The following RASGRF1 variants were observed in gnomAD, a reference collection of about 807,000 sequenced individuals.
RASGRF1 encodes the protein Ras protein specific guanine nucleotide releasing factor 1.
A neutral mutation model predicts 138.7 loss-of-function variants in RASGRF1; 40 were observed. The observed-to-expected ratio is 0.29, with a 90% CI of 0.22 to 0.38. The LOEUF is 0.38. Among genes scored for constraint, RASGRF1 ranks in the 10% least tolerant of loss-of-function variants. The pLI is 1.00. For missense variants in RASGRF1, 1,108 were observed against 1,650.4 expected (o/e 0.67, Z 5.69); for synonymous variants, 614 against 663.2 (o/e 0.93, Z 1.14).
intron 7 of RASGRF1, among the ~76,000 whole-genome samples, 167 bp from the exon 8 acceptor site, chr15:79,031,676 G>A (rs527244309): frequency 4.8e-4 from 71 of 147,874 alleles, no homozygotes; most frequent in African/African-American, 1.7e-3. Context: ...GAGAGGTGGC[G>A]AGGGCGGGGG....
intron 2 of RASGRF1, among the ~76,000 whole-genome samples, chr15:79,059,801 A>G (rs751103455): frequency 6.6e-5 from 10 of 152,282 alleles, no homozygotes; most frequent in African/African-American, 9.6e-5. Context: ...ACAGCGCGAG[A>G]GAACATTGTG....
At chr15:79,017,691 T>C in intron 12 of RASGRF1, 79 bp downstream of exon 12, 4 of 781,090 alleles carry the variant, frequency 5.1e-6, no homozygotes, top group Non-Finnish European at 3.9e-6. Flanking sequence ...CCCCACCCCC[T>C]ACCTGCCACC....
At chr15:79,076,457 C>T (rs1369780587) in intron 1 of RASGRF1, among the ~76,000 whole-genome samples, 1 of 152,220 alleles carries the variant, frequency 6.6e-6, no homozygotes, top group Non-Finnish European at 1.5e-5. Context: ...CTCAGAGGCC[C>T]ATGGTCCTGG....
At chr15:79,000,245 G>T (rs2056492119) in intron 16 of RASGRF1, among the ~76,000 whole-genome samples, 2 of 152,196 alleles carry the variant, frequency 1.3e-5, no homozygotes, top group Non-Finnish European at 2.9e-5. Flanking sequence ...CCTGCCTGAG[G>T]GCAGCATCAT....
intron 2 of RASGRF1, among the ~76,000 whole-genome samples, chr15:79,059,979 CACAGACACACAG>C (rs1341259085): frequency 0.042 from 359 of 8,576 alleles, 12 homozygotes; most frequent in African/African-American, 0.17. Context: ...CACACACACA[CACAGACACACAG>C]ACACACACAC....
At chr15:79,086,879 T>C (rs865990785) in intron 1 of RASGRF1, among the ~76,000 whole-genome samples, 1 of 152,186 alleles carries the variant, frequency 6.6e-6, no homozygotes, top group Non-Finnish European at 1.5e-5. Flanking sequence ...CTAGGGAAGA[T>C]GAACCCAAGC....
chr15:79,062,696 G>T (rs184888401), intron 2 of RASGRF1, among the ~76,000 whole-genome samples: 1 of 151,718 alleles, frequency 6.6e-6, no homozygotes, highest in Non-Finnish European at 1.5e-5. Flanking sequence ...ACCACCCCCC[G>T]CTATGCCCAG....
Position 78,961,721 on chromosome 15 carries a change from C to T in RASGRF1, c.*423G>A, listed in dbSNP as rs916521694. ...AGGGTATGGTTTCCCCCTCCCGCCG[C>T]CCCCCACCCCCCACCCAGTTATAAC... On this transcript the variant is annotated 3_prime_UTR_variant, in exon 27 of 27. Transcript: ENST00000558480. 7.1e-6 allele frequency: 1 copy of T among 141,580 alleles called. No individual in the cohort carries two copies. Among genetic ancestry groups the T allele is most frequent in the Non-Finnish European group, 1.5e-5 (1 of 64,914 alleles). The allele number at this position is 141,580 out of a possible 1,614,324, so 8.8% of individuals were successfully genotyped here. A position where few individuals can be genotyped will look rare whatever the true frequency, so the allele number is the denominator to read the frequency against.
Position 79,049,527 on chromosome 15 carries a change from T to C in RASGRF1, c.593A>G (p.Asp198Gly), listed in dbSNP as rs138487657. 1.9e-6 allele frequency: 3 copies of C among 1,613,872 alleles called. No individual in the cohort carries two copies. Among genetic ancestry groups the C allele is most frequent in the African/African-American group, 2.7e-5 (2 of 74,860 alleles). The part of the protein sequence containing the change: ...IQSTQTVAPN[D>G]EDSDIKKIKK... Reference sequence around the variant, plus strand: ...AATTTTCTTGATGTCGCTGTCTTCATCGTTGGGGGCGACAGTCTGGGTGGA... The same window carrying C: ...AATTTTCTTGATGTCGCTGTCTTCACCGTTGGGGGCGACAGTCTGGGTGGA... Residue 198 changes from aspartate (D) to glycine (G), a missense_variant, in exon 4 of 27, where the codon GAT becomes GGT. Asp to Gly is a moderately conservative substitution (Grantham distance 94, BLOSUM62 -1). This residue lies in a region of RASGRF1 where 253 missense variants were observed against 329.5 expected (regional missense o/e 0.77). Transcript: ENST00000558480.
chr15:79,087,214 C>T (rs1021360855), intron 1 of RASGRF1, among the ~76,000 whole-genome samples: 1 of 152,222 alleles, frequency 6.6e-6, no homozygotes, highest in Non-Finnish European at 1.5e-5. Context: ...GAGGAGCTCA[C>T]CCTTATCTAT....
chr15:79,060,591 C>T lies in RASGRF1; in HGVS notation c.384-2110G>A, dbSNP rs184354949. ...ATGTCCTGTGTGACATTGGGTCACA[C>T]GTCTGTCAAATGGGCTGAAGGGACC... is the stretch of plus-strand genomic sequence containing the variant. On this transcript the variant is annotated intron_variant, in intron 2 of 26. Coordinates refer to ENST00000558480, the MANE Select transcript of RASGRF1 (RefSeq NM_001145648.3). 2.1e-3 allele frequency among the ~76,000 whole-genome samples: 324 copies of T among 152,296 alleles called. 2 individuals are homozygous for T. The highest frequency in any genetic ancestry group is 7.4e-3 in the African/African-American group (306 of 41,568).
intron 3 of RASGRF1, among the ~76,000 whole-genome samples, chr15:79,051,155 A>G (rs1288232015): frequency 2.6e-5 from 4 of 152,232 alleles, no homozygotes; most frequent in Non-Finnish European, 4.4e-5. Context: ...CTCTCTTGGG[A>G]ACACATGGCT....
rs11422986 is a variant in RASGRF1, at chr15:79,012,203, C to CT, written c.1826+3123dup. 5.9e-3 allele frequency among the ~76,000 whole-genome samples: 902 copies of CT among 152,184 alleles called. 18 individuals are homozygous for CT. The highest frequency in any genetic ancestry group is 0.021 in the African/African-American group (861 of 41,534). On this transcript the variant is annotated intron_variant, in intron 13 of 26. Transcript: ENST00000558480. ...CTGCACTCTCCCCAAACACCGTGCACTTTTTTGCCTCCGAACCTATGTTCA... is the reference window on the plus strand; with the variant it reads ...CTGCACTCTCCCCAAACACCGTGCACTTTTTTTGCCTCCGAACCTATGTTCA...
intron 24 of RASGRF1, chr15:78,980,278 C>T (rs772166436): frequency 3.8e-5 from 7 of 184,674 alleles, no homozygotes; most frequent in Non-Finnish European, 7.8e-5. Context: ...GACGTTAAGA[C>T]GTCTCCTGAT....
rs753645260 is a variant in RASGRF1, at chr15:79,001,656, T to C, written c.2575+6A>G. The stretch of plus-strand genomic sequence containing the variant: ...CTATTTGTGGTTTTGAATTGGTGCA[T>C]TGTACCTGAAGAATTTTTGTTTTTG... On this transcript the variant is annotated splice_donor_region_variant and intron_variant, in intron 16 of 26. Transcript: ENST00000558480. The C allele has an allele frequency of 2.5e-6, 4 of 1,613,108 alleles. No homozygotes were observed. The highest frequency in any genetic ancestry group is 1.1e-5 in the South Asian group (1 of 90,950).
At position 78,960,837 on chromosome 15, in the gene RASGRF1, G is replaced by C. The variant is rs1324076848; in HGVS notation, c.*1307C>G. The C allele has an allele frequency of 1.3e-5, 2 of 152,222 alleles. No individual in the cohort carries two copies. Among genetic ancestry groups the C allele is most frequent in the Non-Finnish European group, 2.9e-5 (2 of 68,046 alleles). The allele number at this position is 152,222 out of a possible 1,614,324, so 9.4% of individuals were successfully genotyped here. On this transcript the variant is annotated 3_prime_UTR_variant, in exon 27 of 27. Transcript: ENST00000558480. ...CTCTGGATCTCCGGTCCCAGGCTGG[G>C]CTGGGTAAGGAGCAAGTGCTCATCA...
intron 23 of RASGRF1, among the ~76,000 whole-genome samples, chr15:78,983,890 C>A (rs2056090093): frequency 6.6e-6 from 1 of 152,194 alleles, no homozygotes; most frequent in Non-Finnish European, 1.5e-5. Context: ...AAGCAAGAGG[C>A]CCAATCCCAC....
intron 11 of RASGRF1, 151 bp downstream of exon 11, chr15:79,019,890 T>C (rs1019360295): frequency 3.6e-6 from 3 of 829,158 alleles, no homozygotes; most frequent in Non-Finnish European, 5.8e-6. Context: ...CTGAACAGGG[T>C]GTGTGCATGA....
chr15:79,014,227 C>G (rs1048224473), intron 13 of RASGRF1, among the ~76,000 whole-genome samples: 2 of 152,174 alleles, frequency 1.3e-5, no homozygotes, highest in Non-Finnish European at 1.5e-5. Flanking sequence ...CCATTTGATC[C>G]AGCAACCCCA....
Sources: gnomAD v4.1 joint callset for allele counts (sites outside exome capture counted in the v4.1 genomes callset) on GRCh38, gnomAD v4.1.1 for gene constraint, gnomAD v4.1.1 regional missense constraint, MANE v1.5 for transcripts, NCBI Gene and HGNC (gene_info 2026-07-23, HGNC 2026-07-21) for gene names.